CCNA1: variants seen among roughly 807,000 people sequenced by gnomAD.
CCNA1 encodes cyclin-A1.
A neutral mutation model predicts 54.1 loss-of-function variants in CCNA1; 23 were observed. That is an observed-to-expected ratio of 0.42 (90% CI 0.31 to 0.60). CCNA1 has a LOEUF of 0.60. Among genes scored for constraint, CCNA1 ranks in the 20% least tolerant of loss-of-function variants. The probability of loss-of-function intolerance (pLI) is 0.14; values close to 1 mark genes in which losing one functional copy is unlikely to be tolerated. For synonymous variants in CCNA1, 208 were observed against 213.9 expected (o/e 0.97, Z 0.24); for missense variants, 450 against 556.7 (o/e 0.81, Z 1.93).
Position 36,442,147 on chromosome 13 carries a change from A to T in CCNA1, c.1213-24A>T, listed in dbSNP as rs79227961. 1,513 of 1,595,464 alleles carry T rather than the reference A, an allele frequency of 9.5e-4. 7 individuals carry two copies. The highest frequency in any genetic ancestry group is 7.7e-3 in the Middle Eastern group (46 of 5,980). ...ATCTAATATAAAGTTATGTGAAGCA[A>T]TTTTTTTCTTTTGTCTTGATTAGCC... On this transcript the variant is annotated intron_variant, in intron 7 of 8. Transcript: ENST00000255465.
At position 36,433,218 on chromosome 13, in the gene CCNA1, C is replaced by T; in HGVS notation, c.294C>T (p.Gly98=). The change falls in exon 2 of 9, where the codon GGC becomes GGT. Residue 98 remains glycine, a synonymous_variant. Transcript: ENST00000255465. ...ATGGGCAGTACAGGAGGACCTGTGG[C>T]CAGGTAATGACTCAGACGCATTGAG... The T allele has an allele frequency of 6.2e-7, 1 of 1,609,960 alleles. No homozygotes were observed. The highest frequency in any genetic ancestry group is 8.5e-7 in the Non-Finnish European group (1 of 1,178,012).
chr13:36,442,705 T>C lies in CCNA1; in HGVS notation c.*40T>C. 1.3e-6 allele frequency: 2 copies of C among 1,545,374 alleles called. No homozygotes were observed. The highest frequency in any genetic ancestry group is 4.5e-5 in the East Asian group (2 of 44,578). On this transcript the variant is annotated 3_prime_UTR_variant, in exon 9 of 9. Transcript: ENST00000255465. Reference sequence around the variant, plus strand: ...GCACTTCCAGAACTTCACCTCCATATCAGAAGTGCCAATAATCGTCATAGG... The same window carrying C: ...GCACTTCCAGAACTTCACCTCCATACCAGAAGTGCCAATAATCGTCATAGG...
chr13:36,440,338 AC>A (rs1347803005), intron 6 of CCNA1, among the ~76,000 whole-genome samples, 155 bp downstream of exon 6: 1 of 152,100 alleles, frequency 6.6e-6, no homozygotes, highest in Admixed American at 6.6e-5. Context: ...AATTTTAAGA[AC>A]CCAGCTTTTG....
In CCNA1 at chr13:36,438,141, A is replaced by C; in HGVS notation, c.619A>C (p.Asn207His). 6.2e-7 allele frequency: 1 copy of C among 1,613,734 alleles called. No individual in the cohort carries two copies. The highest frequency in any genetic ancestry group is 1.1e-5 in the South Asian group (1 of 91,062). ...ATCCAGTCTTGGCACAGATGTGATA[A>C]ATGTGACTGAATATGCTGAAGAAAT... The change falls in exon 4 of 9, where the codon AAT becomes CAT. Residue 207 changes from asparagine to histidine, a missense_variant. By Grantham distance (68) the Asn-to-His change is moderately conservative. Coordinates refer to ENST00000255465, the MANE Select transcript of CCNA1 (RefSeq NM_003914.4).
chr13:36,434,960 T>C (rs1260244425), intron 2 of CCNA1, among the ~76,000 whole-genome samples: 2 of 152,064 alleles, frequency 1.3e-5, no homozygotes, highest in Admixed American at 6.6e-5. Context: ...TACAAATATA[T>C]TGCCATTTTC....
At chr13:36,438,506 T>C (rs1787423811) in intron 4 of CCNA1, 138 bp from the exon 5 acceptor site, 1 of 690,022 alleles carries the variant, frequency 1.4e-6, no homozygotes, top group African/African-American at 1.8e-5. Flanking sequence ...ACTTTCTTCC[T>C]TGTTATGATA....
intron 2 of CCNA1, among the ~76,000 whole-genome samples, chr13:36,433,819 G>T (rs1380637607): frequency 2.6e-5 from 4 of 152,124 alleles, no homozygotes; most frequent in African/African-American, 9.7e-5. Context: ...GGGATTACAG[G>T]CGTCAGCCAC....
chr13:36,438,089 A>G lies in CCNA1; in HGVS notation c.567A>G (p.Ser189=), dbSNP rs1317006880. 6 of 1,613,280 alleles carry G rather than the reference A, an allele frequency of 3.7e-6. No homozygotes were observed. The highest frequency in any genetic ancestry group is 3.3e-5 in the Admixed American group (2 of 59,938). Residue 189 remains serine (S), a synonymous_variant, in exon 4 of 9, where the codon TCA becomes TCG. Transcript: ENST00000255465. ...CAGTTTCCCCTATGCTGGTAGATTC[A>G]TCTCTCCTCTCCCAGTCTGAAGATA...
chr13:36,436,750 TA>T (rs1298697149), intron 2 of CCNA1, among the ~76,000 whole-genome samples: 1 of 152,182 alleles, frequency 6.6e-6, no homozygotes, highest in East Asian at 1.9e-4. Context: ...TTTAACTTGA[TA>T]AATAAAAGGG....
At chr13:36,442,095 T>A in intron 7 of CCNA1, 76 bp from the exon 8 acceptor site, 1 of 1,222,972 alleles carries the variant, frequency 8.2e-7, no homozygotes, top group East Asian at 2.3e-5. Flanking sequence ...ACTAATTCCC[T>A]TTATTTCAAA....
intron 6 of CCNA1, among the ~76,000 whole-genome samples, chr13:36,440,698 A>G (rs1252702508): frequency 2.0e-5 from 3 of 152,218 alleles, no homozygotes; most frequent in Non-Finnish European, 2.9e-5. Flanking sequence ...ATGTTTTACT[A>G]TGTTTCTTCT....
Position 36,440,366 on chromosome 13 carries a change from A to C in CCNA1, c.1098+183A>C, listed in dbSNP as rs144995398. On this transcript the variant is annotated intron_variant, in intron 6 of 8. Coordinates refer to ENST00000255465, the MANE Select transcript of CCNA1 (RefSeq NM_003914.4). Reference sequence around the variant, plus strand: ...CAGCTTTTGGTTATAAGGCATTACTATTGACTATATTTGGCAGGCACGGGT... The same window carrying C: ...CAGCTTTTGGTTATAAGGCATTACTCTTGACTATATTTGGCAGGCACGGGT... 1.4e-4 allele frequency among the ~76,000 whole-genome samples: 22 copies of C among 152,280 alleles called. No individual in the cohort carries two copies. The East Asian group carries it at 2.9e-3, about 20-fold the overall frequency.
intron 6 of CCNA1, 105 bp from the exon 7 acceptor site, chr13:36,441,013 G>A (rs1022883134): frequency 3.1e-5 from 18 of 581,042 alleles, no homozygotes; most frequent in East Asian, 1.7e-4. Flanking sequence ...TGTAGATGCC[G>A]ACTGAACAAA....
In CCNA1 at chr13:36,442,228, A is replaced by G; in HGVS notation, c.1270A>G (p.Ser424Gly). 12 of 1,613,996 alleles carry G rather than the reference A, an allele frequency of 7.4e-6. No individual in the cohort carries two copies. The highest frequency in any genetic ancestry group is 9.3e-6 in the Non-Finnish European group (11 of 1,179,916). ...ATTAAGTGAAATTGTGCCTTGCCTG[A>G]GTGAGCTTCATAAAGCGTACCTTGA... The change falls in exon 8 of 9, where the codon AGT becomes GGT. Residue 424 changes from serine to glycine, a missense_variant. Ser to Gly is a moderately conservative substitution (Grantham distance 56, BLOSUM62 0). This residue lies in a region of CCNA1 where 53 missense variants were observed against 50.1 expected (regional missense o/e 1.06). Transcript: ENST00000255465.
chr13:36,436,442 C>G (rs985981141), intron 2 of CCNA1, among the ~76,000 whole-genome samples: 1 of 152,124 alleles, frequency 6.6e-6, no homozygotes, highest in South Asian at 2.1e-4. Context: ...CAAGGTAGTT[C>G]TTTTTAAACA....
chr13:36,441,351 C>T lies in CCNA1; in HGVS notation c.1212+120C>T, dbSNP rs1044225361. 1.2e-5 allele frequency: 7 copies of T among 608,044 alleles called. No individual in the cohort carries two copies. The East Asian group carries it at 1.9e-4, about 17-fold the overall frequency. The allele number at this position is 608,044 out of a possible 1,614,324, so 37.7% of individuals were successfully genotyped here. On this transcript the variant is annotated intron_variant, in intron 7 of 8. Transcript: ENST00000255465. ...AACTTGACAGCAGACCACAACATGC[C>T]ACTGAGTCTTCCAGGTCAGTCATGA...
In CCNA1 at chr13:36,432,572, C is replaced by A. The variant is rs1162262874; in HGVS notation, c.-50C>A. The A allele has an allele frequency of 2.4e-6, 3 of 1,256,052 alleles. No individual in the cohort carries two copies. The highest frequency in any genetic ancestry group is 3.3e-6 in the Non-Finnish European group (3 of 904,012). The allele number at this position is 1,256,052 out of a possible 1,614,324, so 77.8% of individuals were successfully genotyped here. A position where few individuals can be genotyped will look rare whatever the true frequency, so the allele number is the denominator to read the frequency against. On this transcript the variant is annotated 5_prime_UTR_variant, in exon 1 of 9. Coordinates refer to ENST00000255465, the MANE Select transcript of CCNA1 (RefSeq NM_003914.4). ...GGGGTCCAGGCAGGTTTTGGGGCCT[C>A]CTGTCTGGTGGGAGGAGGCCGCAGC...
intron 6 of CCNA1, 96 bp downstream of exon 6, chr13:36,440,279 T>C (rs1287961178): frequency 8.9e-7 from 1 of 1,122,218 alleles, no homozygotes; most frequent in Non-Finnish European, 1.3e-6. Flanking sequence ...TCCTTTTCAG[T>C]TTTCTTCCCA....
At chr13:36,432,750 C>A in intron 1 of CCNA1, 21 bp downstream of exon 1, 1 of 1,449,142 alleles carries the variant, frequency 6.9e-7, no homozygotes, top group Non-Finnish European at 9.7e-7. Context: ...TTTAGTATCC[C>A]GACTTGGAGG....
Sources: gnomAD v4.1 joint callset for allele counts (sites outside exome capture counted in the v4.1 genomes callset) on GRCh38, gnomAD v4.1.1 for gene constraint, gnomAD v4.1.1 regional missense constraint, MANE v1.5 for transcripts, NCBI Gene and HGNC (gene_info 2026-07-23, HGNC 2026-07-21) for gene names.